Variants in CHD1L observed in about 807,000 individuals in gnomAD.
The protein encoded by CHD1L is chromodomain helicase DNA binding protein 1 like.
A neutral mutation model predicts 115.9 loss-of-function variants in CHD1L; 118 were observed. That is an observed-to-expected ratio of 1.02 (90% CI 0.88 to 1.19). The LOEUF (loss-of-function observed/expected upper bound fraction) is 1.19. CHD1L is among the 50% of genes most tolerant of loss of function. The pLI is 0.00. For missense variants in CHD1L, 1,179 were observed against 1,065.3 expected, an observed-to-expected ratio of 1.11 and a Z score of -1.49; for synonymous variants, 411 against 387.1, an observed-to-expected ratio of 1.06 and a Z score of -0.72.
chr1:147,188,429 G>A, the CHD1L span, among the ~76,000 whole-genome samples: 2 of 150,780 alleles, frequency 1.3e-5, no homozygotes, highest in Admixed American at 6.6e-5. Flanking sequence ...AGGCTGAGGC[G>A]GGAGAATTGC....
At chr1:147,226,730 T>C in the CHD1L span, among the ~76,000 whole-genome samples, 1 of 152,342 alleles carries the variant, frequency 6.6e-6, no homozygotes, top group East Asian at 1.9e-4. Flanking sequence ...ATCTTGGACT[T>C]TTTCATGAGA....
At chr1:147,204,473 G>C in the CHD1L span, 21 of 1,472,790 alleles carry the variant, frequency 1.4e-5, no homozygotes, top group Admixed American at 3.5e-4. Context: ...ACATCTCGAA[G>C]GTTTTTTGCA....
chr1:147,204,493 A>G, the CHD1L span: 1 of 1,542,474 alleles, frequency 6.5e-7, no homozygotes, highest in South Asian at 1.1e-5. Flanking sequence ...AGAACAACGT[A>G]CCAAATTAGG....
the CHD1L span, chr1:147,204,063 C>A: frequency 8.7e-7 from 1 of 1,149,696 alleles, no homozygotes; most frequent in Non-Finnish European, 1.3e-6. Flanking sequence ...CCTGTTACTA[C>A]AACATTTGCA....
intron 5 of CHD1L, among the ~76,000 whole-genome samples, chr1:147,256,838 T>G (rs781858975): frequency 2.6e-5 from 4 of 152,184 alleles, no homozygotes; most frequent in Non-Finnish European, 5.9e-5. Flanking sequence ...GTTACGAAAA[T>G]TAAATGAGAT....
intron 21 of CHD1L, among the ~76,000 whole-genome samples, chr1:147,293,927 C>T (rs782689697): frequency 6.6e-6 from 1 of 151,910 alleles, no homozygotes; most frequent in Non-Finnish European, 1.5e-5. Flanking sequence ...CTCTGTAGGC[C>T]GTCTCCATCC....
chr1:147,277,818 A>C (rs1375641548), intron 14 of CHD1L, among the ~76,000 whole-genome samples: 1 of 152,166 alleles, frequency 6.6e-6, no homozygotes, highest in African/African-American at 2.4e-5. Context: ...GGGCATAGTG[A>C]AGGGGTAAAT....
At chr1:147,293,133 C>T (rs869123713) in intron 20 of CHD1L, among the ~76,000 whole-genome samples, 9 of 151,918 alleles carry the variant, frequency 5.9e-5, no homozygotes, top group African/African-American at 1.2e-4. Flanking sequence ...CTCTCCAGCT[C>T]GCCCACTTAG....
Position 147,266,072 on chromosome 1 carries a change from T to C in CHD1L, c.880T>C (p.Leu294=). 6.2e-7 allele frequency: 1 copy of C among 1,611,082 alleles called. No homozygotes were observed. The highest frequency in any genetic ancestry group is 8.5e-7 in the Non-Finnish European group (1 of 1,178,958). ...ALQKKYYKAI[L]MKDLDAFENE... is the part of the protein sequence containing the mutation. ...GCAGAAGAAATACTACAAGGCCATT[T>C]TGATGAAAGACCTAGGTAATCAGAG... The change falls in exon 8 of 23, where the codon TTG becomes CTG. Residue 294 remains leucine (L), a synonymous_variant. Transcript: ENST00000369258.
chr1:147,230,872 TA>T, the CHD1L span, among the ~76,000 whole-genome samples: 12 of 151,872 alleles, frequency 7.9e-5, no homozygotes, highest in African/African-American at 2.9e-4. Flanking sequence ...TTATCATTTT[TA>T]TTGCATCTAT....
chr1:147,288,170 T>A (rs1328832117), intron 19 of CHD1L, among the ~76,000 whole-genome samples: 4 of 151,214 alleles, frequency 2.6e-5, no homozygotes, highest in Non-Finnish European at 4.4e-5. Flanking sequence ...ACCAAAAATT[T>A]AAAAATTGGC....
chr1:147,192,919 T>A, the CHD1L span, among the ~76,000 whole-genome samples: 1 of 152,158 alleles, frequency 6.6e-6, no homozygotes, highest in East Asian at 1.9e-4. Context: ...TTTGCCAGTA[T>A]TTTATTGAGG....
chr1:147,233,393 C>T, the CHD1L span, among the ~76,000 whole-genome samples: 6 of 149,874 alleles, frequency 4.0e-5, no homozygotes, highest in Admixed American at 2.6e-4. Flanking sequence ...GCCCCCCGCC[C>T]GGCCAGCCGC....
At chr1:147,267,903 C>A (rs1674585182) in intron 9 of CHD1L, among the ~76,000 whole-genome samples, 1 of 152,052 alleles carries the variant, frequency 6.6e-6, no homozygotes, top group Non-Finnish European at 1.5e-5. Context: ...AAAATCATTT[C>A]TTCTTGATTA....
At position 147,295,488 on chromosome 1, in the gene CHD1L, C is replaced by T; in HGVS notation, c.2673C>T (p.Ser891=). 5.6e-6 allele frequency: 9 copies of T among 1,610,558 alleles called. No homozygotes were observed. Among genetic ancestry groups the T allele is most frequent in the Middle Eastern group, 1.7e-4 (1 of 5,994 alleles). Residue 891 remains serine (S), a synonymous_variant, in exon 23 of 23, where the codon TCC becomes TCT. Transcript: ENST00000369258. The part of the protein sequence containing the change: ...AVLHSQSSSS[S]SRQLVP ...TTCATTCACAGTCTTCATCTTCCTC[C>T]TCAAGACAGCTGGTGCCTTAAGAAT...
chr1:147,207,068 G>A, the CHD1L span, among the ~76,000 whole-genome samples: 1,497 of 151,700 alleles, frequency 9.9e-3, 25 homozygotes, highest in African/African-American at 0.034. Context: ...AGGGCAACTG[G>A]GGATATTGCC....
chr1:147,262,999 A>G (rs1406381281), intron 6 of CHD1L, among the ~76,000 whole-genome samples: 3 of 152,200 alleles, frequency 2.0e-5, no homozygotes, highest in Non-Finnish European at 4.4e-5. Flanking sequence ...GTCAAAATGT[A>G]TATTAAATAT....
At position 147,286,060 on chromosome 1, in the gene CHD1L, C is replaced by T. The variant is rs1261712511; in HGVS notation, c.2019-238C>T. Among the ~76,000 whole-genome samples, 5 of 152,160 alleles carry T rather than the reference C, an allele frequency of 3.3e-5. No individual in the cohort carries two copies. The East Asian group carries it at 7.7e-4, about 23-fold the overall frequency. ...ACAAAGAATAATTTACTTCAACAAT[C>T]TCTTTTAGTCTTAAAAACAGGAACA... On this transcript the variant is annotated intron_variant, in intron 17 of 22. Coordinates refer to ENST00000369258, the MANE Select transcript of CHD1L (RefSeq NM_004284.6).
At chr1:147,242,417 G>A (rs1665001865), upstream of CHD1L, among the ~76,000 whole-genome samples, 1 of 152,202 alleles carries the variant, frequency 6.6e-6, no homozygotes, top group South Asian at 2.1e-4. Context: ...CCACCTCCTT[G>A]ACGGGCAGTT....
Sources: gnomAD v4.1 joint callset for allele counts (sites outside exome capture counted in the v4.1 genomes callset) on GRCh38, gnomAD v4.1.1 for gene constraint, MANE v1.5 for transcripts, NCBI Gene and HGNC (gene_info 2026-07-23, HGNC 2026-07-21) for gene names.